C9orf85: variants seen among roughly 807,000 people sequenced by gnomAD.
The protein encoded by C9orf85 is chromosome 9 open reading frame 85.
In C9orf85, 16 loss-of-function variants were observed where a neutral mutation model predicts 14.9. The ratio of observed to expected loss-of-function variants is 1.08; its 90% confidence interval spans 0.73 to 1.63. The LOEUF (loss-of-function observed/expected upper bound fraction) is 1.63, where lower values mean the gene tolerates loss of function less well. C9orf85 is among the 40% of genes most tolerant of loss of function. The probability of loss-of-function intolerance (pLI) is 0.00; values close to 1 mark genes in which losing one functional copy is unlikely to be tolerated. For missense variants in C9orf85, 172 were observed against 186.1 expected (o/e 0.92, Z 0.44); for synonymous variants, 45 against 56.8 (o/e 0.79, Z 0.93).
intron 3 of C9orf85, among the ~76,000 whole-genome samples, chr9:71,979,981 T>C (rs990156617): frequency 1.3e-5 from 2 of 151,624 alleles, no homozygotes; most frequent in African/African-American, 4.8e-5. Flanking sequence ...TTAATATAGT[T>C]ACAAATTTAT....
Position 71,932,951 on chromosome 9 carries a change from G to A in C9orf85, c.103-14055G>A, listed in dbSNP as rs1828105184. Among the ~76,000 whole-genome samples the A allele has an allele frequency of 2.6e-5, 4 of 152,144 alleles. No individual in the cohort carries two copies. In the South Asian group the frequency reaches 8.3e-4, roughly 32 times the overall value. ...TAAAAAGAAACCAAAAAGAAATTCTGGAGCTGAAAGTAGAGTAACTGAAGT... is the reference window on the plus strand; with the variant it reads ...TAAAAAGAAACCAAAAAGAAATTCTAGAGCTGAAAGTAGAGTAACTGAAGT... On this transcript the variant is annotated intron_variant, in intron 1 of 3. Coordinates refer to ENST00000334731, the MANE Select transcript of C9orf85 (RefSeq NM_182505.5).
chr9:71,925,242 T>C (rs565743066), intron 1 of C9orf85, among the ~76,000 whole-genome samples: 41 of 152,320 alleles, frequency 2.7e-4, no homozygotes, highest in African/African-American at 9.6e-4. Flanking sequence ...TTTTCTTGGC[T>C]GGGCACGGTG....
At chr9:71,967,211 A>T (rs190536582) in intron 2 of C9orf85, among the ~76,000 whole-genome samples, 138 of 152,208 alleles carry the variant, frequency 9.1e-4, no homozygotes, top group African/African-American at 3.2e-3. Context: ...TTATATTTGA[A>T]TTTATGTTCT....
intron 1 of C9orf85, among the ~76,000 whole-genome samples, chr9:71,940,101 A>T (rs1299128432): frequency 6.6e-6 from 1 of 152,186 alleles, no homozygotes; most frequent in African/African-American, 2.4e-5. Flanking sequence ...AACTATTAAG[A>T]TAATGGAAAT....
intron 1 of C9orf85, 61 bp downstream of exon 1, chr9:71,911,897 G>GA (rs1255882894): frequency 6.7e-7 from 1 of 1,488,392 alleles, no homozygotes; most frequent in East Asian, 2.3e-5. Context: ...CTGGAGAGGG[G>GA]AGAGAGGAAA....
intron 2 of C9orf85, among the ~76,000 whole-genome samples, chr9:71,957,328 A>G (rs1410692728): frequency 1.4e-4 from 21 of 152,206 alleles, no homozygotes. Context: ...TGGCTAAGAC[A>G]GAAGAATTGG....
chr9:71,946,938 CTT>C (rs749799780), intron 1 of C9orf85, 66 bp from the exon 2 acceptor site: 75 of 1,056,844 alleles, frequency 7.1e-5, no homozygotes, highest in Non-Finnish European at 9.0e-5. Flanking sequence ...CTCATACACT[CTT>C]TTATGGGATT....
rs1822925933 is a variant in C9orf85, at chr9:71,973,012, G to C, written c.*170G>C. Reference sequence around the variant, plus strand: ...TACAAAAAATTAGCTGGGCGTGGTGGCTCATGCCTGTAATCCCAGCTACTC... The same window carrying C: ...TACAAAAAATTAGCTGGGCGTGGTGCCTCATGCCTGTAATCCCAGCTACTC... On this transcript the variant is annotated 3_prime_UTR_variant, in exon 4 of 4. Transcript: ENST00000334731. The C allele has an allele frequency of 5.9e-6, 2 of 340,790 alleles. No homozygotes were observed. Among genetic ancestry groups the C allele is most frequent in the Middle Eastern group, 9.9e-4 (1 of 1,014 alleles). 21.1% of individuals were successfully genotyped at this position (340,790 alleles called of 1,614,324 possible). A position where few individuals can be genotyped will look rare whatever the true frequency, so the allele number is the denominator to read the frequency against.
intron 2 of C9orf85, among the ~76,000 whole-genome samples, chr9:71,955,234 T>C (rs1822355379): frequency 6.6e-6 from 1 of 152,208 alleles, no homozygotes; most frequent in Admixed American, 6.5e-5. Flanking sequence ...TATTTGTTCA[T>C]TGAGTAAGCA....
intron 1 of C9orf85, among the ~76,000 whole-genome samples, chr9:71,941,409 G>C (rs1350058393): frequency 6.6e-6 from 1 of 152,140 alleles, no homozygotes; most frequent in Non-Finnish European, 1.5e-5. Context: ...TCCTGACTTG[G>C]AGTAATAGGA....
intron 2 of C9orf85, among the ~76,000 whole-genome samples, chr9:71,964,109 CTG>C (rs1822612449): frequency 1.3e-5 from 2 of 152,264 alleles, no homozygotes; most frequent in African/African-American, 2.4e-5. Context: ...CCAATCGACA[CTG>C]TATCTAGCTA....
At chr9:71,952,292 T>C (rs934302603) in intron 2 of C9orf85, among the ~76,000 whole-genome samples, 1 of 152,262 alleles carries the variant, frequency 6.6e-6, no homozygotes, top group African/African-American at 2.4e-5. Context: ...ATCTTGTTTA[T>C]GGACATTGTC....
In C9orf85 at chr9:71,918,770, G is replaced by A. The variant is rs553258989; in HGVS notation, c.102+6934G>A. 4.6e-5 allele frequency among the ~76,000 whole-genome samples: 7 copies of A among 152,210 alleles called. No homozygotes were observed. The South Asian group carries it at 1.5e-3, about 32-fold the overall frequency. ...CACTGTCTCCCATCACCCCCAGATGGGACCGTCTAGTTGCAGGAAAAAAGC... is the reference window on the plus strand; with the variant it reads ...CACTGTCTCCCATCACCCCCAGATGAGACCGTCTAGTTGCAGGAAAAAAGC... On this transcript the variant is annotated intron_variant, in intron 1 of 3. Coordinates refer to ENST00000334731, the MANE Select transcript of C9orf85 (RefSeq NM_182505.5).
downstream of C9orf85, among the ~76,000 whole-genome samples, chr9:71,977,490 T>C (rs536924558): frequency 2.0e-5 from 3 of 152,356 alleles, no homozygotes; most frequent in Admixed American, 6.5e-5. Context: ...AGATTATATA[T>C]GTAAGACCTA....
chr9:71,959,365 G>A (rs1589266075), intron 2 of C9orf85, among the ~76,000 whole-genome samples: 3 of 151,850 alleles, frequency 2.0e-5, no homozygotes, highest in East Asian at 1.9e-4. Context: ...TCAAACTCCC[G>A]ACCTCAGATG....
At chr9:71,960,349 C>T in intron 2 of C9orf85, among the ~76,000 whole-genome samples, 1 of 152,230 alleles carries the variant, frequency 6.6e-6, no homozygotes, top group East Asian at 1.9e-4. Flanking sequence ...GCTCTTGTTA[C>T]TTTTTCTTTT....
chr9:71,940,543 AC>A (rs1357046722), intron 1 of C9orf85, among the ~76,000 whole-genome samples: 7 of 152,220 alleles, frequency 4.6e-5, no homozygotes, highest in Non-Finnish European at 8.8e-5. Context: ...ATGAAATAAT[AC>A]TACATACCTA....
At chr9:71,914,212 G>A (rs142473525) in intron 1 of C9orf85, among the ~76,000 whole-genome samples, 18 of 152,240 alleles carry the variant, frequency 1.2e-4, no homozygotes, top group Admixed American at 3.3e-4. Flanking sequence ...AAAAATGCAC[G>A]GTTCTCTGTA....
At chr9:71,940,435 TAAAG>T (rs1821892083) in intron 1 of C9orf85, among the ~76,000 whole-genome samples, 1 of 151,954 alleles carries the variant, frequency 6.6e-6, no homozygotes. Context: ...TTTTGTCTCT[TAAAG>T]AAACAAACAA....
Sources: gnomAD v4.1 joint callset for allele counts (sites outside exome capture counted in the v4.1 genomes callset) on GRCh38, gnomAD v4.1.1 for gene constraint, MANE v1.5 for transcripts, NCBI Gene and HGNC (gene_info 2026-07-23, HGNC 2026-07-21) for gene names.